Variants in IFNGR1 observed in about 807,000 individuals in gnomAD.
IFNGR1 encodes AVP, type 2.
Under a neutral mutation model 35.4 loss-of-function variants are expected in IFNGR1, and 23 were observed. That is an observed-to-expected ratio of 0.65 (90% CI 0.47 to 0.92). The LOEUF (loss-of-function observed/expected upper bound fraction) is 0.92, where lower values mean the gene tolerates loss of function less well. Ranked by LOEUF, IFNGR1 falls within the 40% of genes least tolerant of loss-of-function variation. The pLI is 0.00. For missense variants in IFNGR1, 533 were observed against 583.4 expected (o/e 0.91, Z 0.89); for synonymous variants, 199 against 209.5 (o/e 0.95, Z 0.43).
At chr6:137,208,938 A>T (rs780211400) in intron 1 of IFNGR1, among the ~76,000 whole-genome samples, 1 of 152,172 alleles carries the variant, frequency 6.6e-6, no homozygotes, top group African/African-American at 2.4e-5. Context: ...GCTGAGAGGG[A>T]GCCTGTACCC....
At chr6:137,200,670 C>A (rs545570212) in intron 6 of IFNGR1, among the ~76,000 whole-genome samples, 6 of 149,410 alleles carry the variant, frequency 4.0e-5, no homozygotes, top group Non-Finnish European at 8.9e-5. Flanking sequence ...ATTGTCTCAC[C>A]GTGTTTTTCC....
intron 1 of IFNGR1, chr6:137,215,387 T>G: frequency 6.8e-7 from 1 of 1,472,320 alleles, no homozygotes; most frequent in South Asian, 1.3e-5. Flanking sequence ...ACTGCAAAAG[T>G]TGAACAATGC....
chr6:137,218,444 G>C, intron 1 of IFNGR1: 1 of 1,257,700 alleles, frequency 8.0e-7, no homozygotes, highest in Non-Finnish European at 1.0e-6. Context: ...CGTACGAAGA[G>C]ACCTACTGCC....
At chr6:137,207,357 T>C (rs1461735036) in intron 1 of IFNGR1, among the ~76,000 whole-genome samples, 4 of 152,194 alleles carry the variant, frequency 2.6e-5, no homozygotes, top group East Asian at 1.9e-4. Context: ...CTTAATATGA[T>C]AGAAGTTTTA....
intron 6 of IFNGR1, among the ~76,000 whole-genome samples, chr6:137,199,941 G>A (rs1282175903): frequency 6.6e-6 from 1 of 151,870 alleles, no homozygotes; most frequent in African/African-American, 2.4e-5. Flanking sequence ...TCAAAGAAAT[G>A]GTATGTTTAC....
rs1474255651 is a variant in IFNGR1 at position 137,219,353 on chromosome 6, A to G, written c.-26T>C. The G allele has an allele frequency of 1.3e-6, 2 of 1,586,506 alleles. No homozygotes were observed. The highest frequency in any genetic ancestry group is 1.8e-5 in the Admixed American group (1 of 54,928). The stretch of plus-strand genomic sequence containing the variant: ...GCTGCTACCGACGGTCGCTGGCTCC[A>G]ACCCCGAGCGCCTGCGGGACCAGCC... On this transcript the variant is annotated 5_prime_UTR_variant, in exon 1 of 7. Transcript: ENST00000367739.
In IFNGR1 at chr6:137,200,165, TACTA is replaced by T. The variant is rs1279520668; in HGVS notation, c.861+712_861+715del. Among the ~76,000 whole-genome samples, 7 of 152,328 alleles carry T rather than the reference TACTA, an allele frequency of 4.6e-5. No individual in the cohort carries two copies. The East Asian group carries it at 9.6e-4, about 21-fold the overall frequency. ...TATTATAATTCATTTGTGAGTTGACTACTAACTGTTGAGAGTTCTTATCCACTTT... is the reference window on the plus strand; with the variant it reads ...TATTATAATTCATTTGTGAGTTGACTACTGTTGAGAGTTCTTATCCACTTT... On this transcript the variant is annotated intron_variant, in intron 6 of 6. Coordinates refer to ENST00000367739, the MANE Select transcript of IFNGR1 (RefSeq NM_000416.3).
Position 137,197,803 on chromosome 6 carries a change from T to C in IFNGR1, c.*228A>G. ...TGGTAACCTATCTGGATGTAAAGGT[T>C]CATAAGTTACAATGCTTTTTTTGTT... On this transcript the variant is annotated 3_prime_UTR_variant, in exon 7 of 7. Coordinates refer to ENST00000367739, the MANE Select transcript of IFNGR1 (RefSeq NM_000416.3). The C allele has an allele frequency of 2.0e-6, 1 of 493,780 alleles. No homozygotes were observed. The highest frequency in any genetic ancestry group is 1.9e-5 in the African/African-American group (1 of 51,428). The allele number at this position is 493,780 out of a possible 1,614,324, so 30.6% of individuals were successfully genotyped here. A position where few individuals can be genotyped will look rare whatever the true frequency, so the allele number is the denominator to read the frequency against.
chr6:137,206,023 T>C (rs1169711999), intron 3 of IFNGR1, 113 bp downstream of exon 3: 4 of 866,384 alleles, frequency 4.6e-6, no homozygotes, highest in Non-Finnish European at 7.7e-6. Flanking sequence ...TTCCTCCAAG[T>C]GTTTCTTAAG....
Position 137,199,689 on chromosome 6 carries a change from C to T in IFNGR1, c.862-1050G>A, listed in dbSNP as rs1229175976. Among the ~76,000 whole-genome samples, 3 of 143,206 alleles carry T rather than the reference C, an allele frequency of 2.1e-5. No homozygotes were observed. In the Admixed American group the frequency reaches 2.3e-4, roughly 11 times the overall value. The allele number at this position is 143,206 out of a possible 152,430, so 93.9% of individuals were successfully genotyped here. On this transcript the variant is annotated intron_variant, in intron 6 of 6. Transcript: ENST00000367739. ...AGAGAATCCTAATACAATTATCTTC[C>T]ACATGTACGCACATTATGTTTACAA... is the stretch of plus-strand genomic sequence containing the variant.
rs774991658 is a variant in IFNGR1 at position 137,198,013 on chromosome 6, G to C, written c.*18C>G. 1.9e-6 allele frequency: 3 copies of C among 1,613,540 alleles called. No individual in the cohort carries two copies. On this transcript the variant is annotated 3_prime_UTR_variant, in exon 7 of 7. Transcript: ENST00000367739. ...TCCAGGAAAATCAGACTTCAAAGTT[G>C]GTGCAACTTAGCTGATCTCATGAAA...
chr6:137,203,166 CACA>C (rs1364862145), intron 5 of IFNGR1, among the ~76,000 whole-genome samples: 1 of 152,172 alleles, frequency 6.6e-6, no homozygotes, highest in Non-Finnish European at 1.5e-5. Flanking sequence ...TTAGTGGATT[CACA>C]ACATCTTGCT....
chr6:137,218,549 G>T, intron 1 of IFNGR1: 1 of 1,287,712 alleles, frequency 7.8e-7, no homozygotes, highest in Non-Finnish European at 1.0e-6. Flanking sequence ...CTTCTCAGCT[G>T]GCGACATAAT....
intron 1 of IFNGR1, chr6:137,218,560 G>A: frequency 7.9e-7 from 1 of 1,272,100 alleles, no homozygotes; most frequent in African/African-American, 1.5e-5. Flanking sequence ...GCGACATAAT[G>A]CATACTTTCC....
intron 3 of IFNGR1, among the ~76,000 whole-genome samples, chr6:137,205,099 C>A (rs572510864): frequency 2.4e-4 from 37 of 152,258 alleles, no homozygotes; most frequent in African/African-American, 7.9e-4. Flanking sequence ...TACTTTCCGG[C>A]ACGTAGTAGG....
At chr6:137,210,073 A>G in intron 1 of IFNGR1, 3 of 382,018 alleles carry the variant, frequency 7.9e-6, no homozygotes, top group Non-Finnish European at 1.4e-5. Context: ...GTCATGGGCC[A>G]GGTGCGGTGG....
intron 6 of IFNGR1, among the ~76,000 whole-genome samples, chr6:137,199,514 A>AATTTATTATATATAATATATAATATATT (rs1779205821): frequency 1.8e-5 from 1 of 56,106 alleles, no homozygotes; most frequent in East Asian, 3.7e-4. Context: ...TATAATTTAT[A>AATTTATTATATATAATATATAATATATT]ATATATTATA....
intron 1 of IFNGR1, among the ~76,000 whole-genome samples, chr6:137,216,132 A>T (rs1202492087): frequency 6.6e-6 from 1 of 152,256 alleles, no homozygotes; most frequent in Non-Finnish European, 1.5e-5. Context: ...TATCCTGTGT[A>T]TTTTGAATCT....
chr6:137,199,327 TTATAATA>T lies in IFNGR1; in HGVS notation c.862-695_862-689del, dbSNP rs919056145. On this transcript the variant is annotated intron_variant, in intron 6 of 6. Coordinates refer to ENST00000367739, the MANE Select transcript of IFNGR1 (RefSeq NM_000416.3). ...TAATATATATTATATAATATATAAT[TTATAATA>T]TATAATATATAATTTATAATTTATA... Among the ~76,000 whole-genome samples the T allele has an allele frequency of 8.2e-3, 1,068 of 130,944 alleles. 17 individuals are homozygous for T. Among genetic ancestry groups the T allele is most frequent in the African/African-American group, 0.029 (1,021 of 34,874 alleles). The allele number at this position is 130,944 out of a possible 152,430, so 85.9% of individuals were successfully genotyped here.
Sources: allele counts gnomAD v4.1 joint callset (sites outside exome capture counted in the v4.1 genomes callset), GRCh38; gene constraint gnomAD v4.1.1; transcripts MANE v1.5; gene names NCBI Gene and HGNC (gene_info 2026-07-23, HGNC 2026-07-21).